Variants in SMU1 observed in about 807,000 individuals in gnomAD.
The protein encoded by SMU1 is WD40 repeat-containing protein SMU1.
A neutral mutation model predicts 62.0 loss-of-function variants in SMU1; 2 were observed. That is an observed-to-expected ratio of 0.03 (90% confidence interval 0.01 to 0.10). The LOEUF (loss-of-function observed/expected upper bound fraction) is 0.10. SMU1 is among the 10% of genes least tolerant of loss of function. SMU1 has a pLI of 1.00. For synonymous variants in SMU1, 188 were observed against 212.4 expected, an observed-to-expected ratio of 0.89 and a Z score of 1.00; for missense variants, 227 against 622.1, an observed-to-expected ratio of 0.36 and a Z score of 6.76.
chr9:33,057,085 C>T lies in SMU1; in HGVS notation c.868-121G>A, dbSNP rs371528194. 3.2e-4 allele frequency: 304 copies of T among 959,572 alleles called. 2 individuals carry two copies. The African/African-American group carries it at 4.0e-3, about 12-fold the overall frequency. The allele number at this position is 959,572 out of a possible 1,614,324, so 59.4% of individuals were successfully genotyped here. ...GTACTGAAACAGCATTAAAAATGCA[C>T]GCTAATAGCTGAATATGATGTCTAG... is the stretch of plus-strand genomic sequence containing the variant. On this transcript the variant is annotated intron_variant, in intron 7 of 11. Coordinates refer to ENST00000397149, the MANE Select transcript of SMU1 (RefSeq NM_018225.3).
intron 4 of SMU1, among the ~76,000 whole-genome samples, chr9:33,064,043 G>C (rs1025235966): frequency 6.6e-6 from 1 of 151,918 alleles, no homozygotes; most frequent in Non-Finnish European, 1.5e-5. Flanking sequence ...TCACCAATTA[G>C]TGAGCTTTAA....
chr9:33,067,721 G>A (rs1839438568), intron 4 of SMU1, among the ~76,000 whole-genome samples: 2 of 151,738 alleles, frequency 1.3e-5, no homozygotes, highest in South Asian at 4.2e-4. Flanking sequence ...CTCATCTCGA[G>A]CCCCTGATCT....
rs1343147884 is a variant in SMU1, at chr9:33,043,522, T to C, written c.*3771A>G. 1 of 152,272 alleles carries C rather than the reference T, an allele frequency of 6.6e-6. No individual in the cohort carries two copies. Among genetic ancestry groups the C allele is most frequent in the East Asian group, 1.9e-4 (1 of 5,204 alleles). The allele number at this position is 152,272 out of a possible 1,614,324, so 9.4% of individuals were successfully genotyped here. On this transcript the variant is annotated 3_prime_UTR_variant, in exon 12 of 12. Transcript: ENST00000397149. ...GTGACACTTGTAAGAACCACTGTTC[T>C]AGCACAAGCCAAAAGAAGTGACAGC... is the stretch of plus-strand genomic sequence containing the variant.
rs376079944 is a variant in SMU1 at position 33,057,630 on chromosome 9, A to C, written c.835T>G (p.Leu279Val). The change falls in exon 7 of 12, where the codon TTA becomes GTA. Residue 279 changes from leucine to valine, a missense_variant. Physicochemically the swap from Leu to Val is conservative, Grantham distance 32 (BLOSUM62 1). Around this residue, in one of 5 missense-constraint regions of SMU1, gnomAD observed 98 missense variants for 195.9 expected, o/e 0.50. Transcript: ENST00000397149. Reference protein sequence around the residue: ...CMCFSRDTEMLATGAQDGKIK... With the variant: ...CMCFSRDTEMVATGAQDGKIK... Reference sequence around the variant, plus strand: ...TTTCCATCTTGGGCCCCAGTTGCTAACATTTCTGTATCTCTGCTGAAACAC... The same window carrying C: ...TTTCCATCTTGGGCCCCAGTTGCTACCATTTCTGTATCTCTGCTGAAACAC... 1.2e-6 allele frequency: 2 copies of C among 1,614,016 alleles called. No homozygotes were observed. The highest frequency in any genetic ancestry group is 3.3e-5 in the Admixed American group (2 of 60,022).
At position 33,048,235 on chromosome 9, in the gene SMU1, A is replaced by C; in HGVS notation, c.1314T>G (p.Gly438=). The C allele has an allele frequency of 3.7e-6, 6 of 1,614,198 alleles. No homozygotes were observed. The highest frequency in any genetic ancestry group is 5.1e-6 in the Non-Finnish European group (6 of 1,180,038). Residue 438 remains glycine (G), a synonymous_variant, in exon 11 of 12, where the codon GGT becomes GGG. Coordinates refer to ENST00000397149, the MANE Select transcript of SMU1 (RefSeq NM_018225.3). ...QGQIVRSFSS[G]KREGGDFVCC... ...AAACAAAGTCCCCACCTTCTCTTTT[A>C]CCAGAACTGAAGCTTCTGACAATCT... is the stretch of plus-strand genomic sequence containing the variant.
At position 33,047,027 on chromosome 9, in the gene SMU1, T is replaced by A; in HGVS notation, c.*266A>T. The A allele has an allele frequency of 3.5e-6, 1 of 286,820 alleles. No homozygotes were observed. Among genetic ancestry groups the A allele is most frequent in the Non-Finnish European group, 6.4e-6 (1 of 155,772 alleles). 17.8% of individuals were successfully genotyped at this position (286,820 alleles called of 1,614,324 possible). A position where few individuals can be genotyped will look rare whatever the true frequency, so the allele number is the denominator to read the frequency against. On this transcript the variant is annotated 3_prime_UTR_variant, in exon 12 of 12. Coordinates refer to ENST00000397149, the MANE Select transcript of SMU1 (RefSeq NM_018225.3). Reference sequence around the variant, plus strand: ...GAGGAGTAGAATTTTTTTCTAGAAATATCAGTATTTCACTCTCCAGGTCGA... The same window carrying A: ...GAGGAGTAGAATTTTTTTCTAGAAAAATCAGTATTTCACTCTCCAGGTCGA...
intron 6 of SMU1, among the ~76,000 whole-genome samples, chr9:33,060,014 C>A (rs897479046): frequency 1.3e-5 from 2 of 151,732 alleles, no homozygotes; most frequent in African/African-American, 4.8e-5. Flanking sequence ...TTAAACATAC[C>A]GTTTTTTGCT....
At position 33,042,127 on chromosome 9, in the gene SMU1, G is replaced by A. The variant is rs993183732; in HGVS notation, c.*5166C>T. The A allele has an allele frequency of 2.7e-5, 4 of 148,854 alleles. No individual in the cohort carries two copies. Among genetic ancestry groups the A allele is most frequent in the African/African-American group, 7.4e-5 (3 of 40,330 alleles). 9.2% of individuals were successfully genotyped at this position (148,854 alleles called of 1,614,324 possible). On this transcript the variant is annotated 3_prime_UTR_variant, in exon 12 of 12. Coordinates refer to ENST00000397149, the MANE Select transcript of SMU1 (RefSeq NM_018225.3). Reference sequence around the variant, plus strand: ...CACTAAAAGAAAGTCATATTAGGTCGGTTGGTGCAAAAGTAATGTGCCATT... The same window carrying A: ...CACTAAAAGAAAGTCATATTAGGTCAGTTGGTGCAAAAGTAATGTGCCATT...
chr9:33,071,447 G>A (rs529445878), intron 3 of SMU1, among the ~76,000 whole-genome samples: 204 of 152,128 alleles, frequency 1.3e-3, no homozygotes, highest in Middle Eastern at 3.4e-3. Flanking sequence ...CTTCGGGGAG[G>A]GCTAATGTGG....
chr9:33,066,780 T>C (rs936743942), intron 4 of SMU1, among the ~76,000 whole-genome samples: 30 of 150,982 alleles, frequency 2.0e-4, no homozygotes, highest in Non-Finnish European at 3.7e-4. Flanking sequence ...CACTCCAGCC[T>C]GGCGACAGAG....
intron 8 of SMU1, among the ~76,000 whole-genome samples, chr9:33,056,467 C>T (rs1156621794): frequency 6.6e-6 from 1 of 152,186 alleles, no homozygotes; most frequent in East Asian, 1.9e-4. Flanking sequence ...CCACAAGCTT[C>T]TGTTCAGGGA....
chr9:33,069,229 C>A (rs1196398899), intron 3 of SMU1, among the ~76,000 whole-genome samples: 1 of 152,164 alleles, frequency 6.6e-6, no homozygotes, highest in Non-Finnish European at 1.5e-5. Flanking sequence ...TGAAAAGAGT[C>A]CAAGTAAACC....
Position 33,048,223 on chromosome 9 carries a change from A to C in SMU1, c.1326T>G (p.Gly442=). ...VRSFSSGKRE[G]GDFVCCALSP... is the part of the protein sequence containing the mutation. ...AGAGGGCACAGCAAACAAAGTCCCC[A>C]CCTTCTCTTTTACCAGAACTGAAGC... Residue 442 remains glycine, a synonymous_variant, in exon 11 of 12, where the codon GGT becomes GGG. Coordinates refer to ENST00000397149, the MANE Select transcript of SMU1 (RefSeq NM_018225.3). 1 of 1,614,174 alleles carries C rather than the reference A, an allele frequency of 6.2e-7. No individual in the cohort carries two copies. Among genetic ancestry groups the C allele is most frequent in the Non-Finnish European group, 8.5e-7 (1 of 1,180,026 alleles).
chr9:33,057,026 CCA>C, intron 7 of SMU1, 62 bp from the exon 8 acceptor site: 3 of 1,551,420 alleles, frequency 1.9e-6, no homozygotes, highest in Non-Finnish European at 2.6e-6. Context: ...TATTAATAGC[CCA>C]CAGAGCCAAG....
chr9:33,059,086 C>T (rs1055320632), intron 6 of SMU1, among the ~76,000 whole-genome samples: 1 of 152,016 alleles, frequency 6.6e-6, no homozygotes, highest in Non-Finnish European at 1.5e-5. Context: ...ATTAGTACTA[C>T]AATTAGGTTA....
At position 33,043,467 on chromosome 9, in the gene SMU1, T is replaced by G. The variant is rs1839147585; in HGVS notation, c.*3826A>C. 1 of 152,244 alleles carries G rather than the reference T, an allele frequency of 6.6e-6. No individual in the cohort carries two copies. The highest frequency in any genetic ancestry group is 2.4e-5 in the African/African-American group (1 of 41,462). 9.4% of individuals were successfully genotyped at this position (152,244 alleles called of 1,614,324 possible). A position where few individuals can be genotyped will look rare whatever the true frequency, so the allele number is the denominator to read the frequency against. Reference sequence around the variant, plus strand: ...CCACCAATTTCTGATTCTGTAGGTCTGGGATAGGACCTTAGAATGTGTCTA... The same window carrying G: ...CCACCAATTTCTGATTCTGTAGGTCGGGGATAGGACCTTAGAATGTGTCTA... On this transcript the variant is annotated 3_prime_UTR_variant, in exon 12 of 12. Transcript: ENST00000397149.
rs528424673 is a variant in SMU1 at position 33,048,619 on chromosome 9, C to T, written c.1291-361G>A. 2.6e-5 allele frequency among the ~76,000 whole-genome samples: 4 copies of T among 152,334 alleles called. No homozygotes were observed. The East Asian group carries it at 7.7e-4, about 29-fold the overall frequency. ...TTCTGGATGTCTGCTCTCCAGTTTCCTCTAACAGAATGAGAAGCTTTCCCC... is the reference window on the plus strand; with the variant it reads ...TTCTGGATGTCTGCTCTCCAGTTTCTTCTAACAGAATGAGAAGCTTTCCCC... On this transcript the variant is annotated intron_variant, in intron 10 of 11. Coordinates refer to ENST00000397149, the MANE Select transcript of SMU1 (RefSeq NM_018225.3).
chr9:33,066,980 C>A (rs573620465), intron 4 of SMU1, among the ~76,000 whole-genome samples: 4 of 150,954 alleles, frequency 2.6e-5, no homozygotes, highest in African/African-American at 2.4e-5. Context: ...TATCAGCAAG[C>A]GGAAAAAAAA....
intron 4 of SMU1, among the ~76,000 whole-genome samples, chr9:33,063,750 T>C (rs1182263989): frequency 6.6e-6 from 1 of 151,886 alleles, no homozygotes; most frequent in Non-Finnish European, 1.5e-5. Flanking sequence ...TGCCTGATGA[T>C]CTTAGATGGA....
Sources: gnomAD v4.1 joint callset for allele counts (sites outside exome capture counted in the v4.1 genomes callset) on GRCh38, gnomAD v4.1.1 for gene constraint, gnomAD v4.1.1 regional missense constraint, MANE v1.5 for transcripts, NCBI Gene and HGNC (gene_info 2026-07-23, HGNC 2026-07-21) for gene names.